The following AGBL1 variants were observed in gnomAD, a reference collection of about 807,000 sequenced individuals.
The protein encoded by AGBL1 is AGBL carboxypeptidase 1.
AGBL1 carries 130 observed loss-of-function variants against 118.9 expected under a neutral mutation model. The ratio of observed to expected loss-of-function variants is 1.09; its 90% CI spans 0.95 to 1.26. AGBL1 has a LOEUF of 1.26. Ranked by LOEUF, AGBL1 falls within the 50% of genes most tolerant of loss-of-function variation. AGBL1 has a pLI of 0.00. For missense variants in AGBL1, 1,584 were observed against 1,298.1 expected, an observed-to-expected ratio of 1.22 and a Z score of -3.38; for synonymous variants, 555 against 478.9, an observed-to-expected ratio of 1.16 and a Z score of -2.08.
chr15:86,182,398 T>G (rs539646050), intron 5 of AGBL1, among the ~76,000 whole-genome samples: 1 of 152,238 alleles, frequency 6.6e-6, no homozygotes, highest in Non-Finnish European at 1.5e-5. Flanking sequence ...ACATCCTATC[T>G]GCTGTTTACT....
At chr15:86,954,389 C>T (rs939761798) in intron 23 of AGBL1, among the ~76,000 whole-genome samples, 7 of 152,086 alleles carry the variant, frequency 4.6e-5, no homozygotes, top group African/African-American at 9.7e-5. Context: ...AGCAATGACA[C>T]GGAATCAACC....
chr15:86,565,983 G>T (rs369034178), intron 21 of AGBL1, among the ~76,000 whole-genome samples: 1 of 152,224 alleles, frequency 6.6e-6, no homozygotes, highest in African/African-American at 2.4e-5. Flanking sequence ...TTGGAAAAGC[G>T]CAGTATTAGT....
chr15:86,434,886 A>G (rs2081982184), intron 18 of AGBL1, among the ~76,000 whole-genome samples: 1 of 152,222 alleles, frequency 6.6e-6, no homozygotes, highest in Non-Finnish European at 1.5e-5. Context: ...GAAGAAATGA[A>G]CACAACATTC....
intron 18 of AGBL1, among the ~76,000 whole-genome samples, chr15:86,521,251 C>T (rs543471775): frequency 2.0e-5 from 3 of 152,316 alleles, no homozygotes; most frequent in African/African-American, 7.2e-5. Flanking sequence ...ACTGAACCTT[C>T]TTTTTACCTC....
In AGBL1 at chr15:86,081,363, G is replaced by GT. The variant is rs1167078424; in HGVS notation, c.51+1340_51+1341insT. 1.6e-4 allele frequency among the ~76,000 whole-genome samples: 24 copies of GT among 152,270 alleles called. No individual in the cohort carries two copies. In the East Asian group the frequency reaches 2.5e-3, roughly 16 times the overall value. On this transcript the variant is annotated intron_variant, in intron 1 of 22. Coordinates refer to ENST00000614907, the MANE Select transcript of AGBL1 (RefSeq NM_001386094.1). ...GCCATTTTTCTCTGATTCTTAAGAA[G>GT]ATTTGTATTCCTGAAAGTTTAAGAA...
At chr15:86,263,150 G>T (rs1374420622) in intron 10 of AGBL1, among the ~76,000 whole-genome samples, 1 of 152,222 alleles carries the variant, frequency 6.6e-6, no homozygotes, top group Non-Finnish European at 1.5e-5. Flanking sequence ...GTCATGTGCT[G>T]CATAATGACA....
intron 18 of AGBL1, among the ~76,000 whole-genome samples, chr15:86,508,410 T>G (rs916418356): frequency 6.6e-6 from 1 of 152,124 alleles, no homozygotes; most frequent in Non-Finnish European, 1.5e-5. Flanking sequence ...AGAAAAAGAT[T>G]GTGCTTTAGG....
At chr15:86,720,507 A>C (rs1228397107) in intron 22 of AGBL1, among the ~76,000 whole-genome samples, 2 of 152,212 alleles carry the variant, frequency 1.3e-5, no homozygotes, top group African/African-American at 4.8e-5. Context: ...GAAGGAATTT[A>C]CTTCGCTGCC....
intron 18 of AGBL1, among the ~76,000 whole-genome samples, chr15:86,518,217 T>C (rs935935403): frequency 6.6e-6 from 1 of 152,082 alleles, no homozygotes; most frequent in African/African-American, 2.4e-5. Flanking sequence ...CTTGTGGTCC[T>C]TTCTTGGCTT....
chr15:86,846,776 C>T (rs1260449875), intron 22 of AGBL1, among the ~76,000 whole-genome samples: 2 of 152,214 alleles, frequency 1.3e-5, no homozygotes, highest in East Asian at 1.9e-4. Context: ...AAGTGATCCA[C>T]CCGCCTCGGC....
intron 16 of AGBL1, among the ~76,000 whole-genome samples, chr15:86,281,067 GC>G (rs1264174637): frequency 6.6e-6 from 1 of 152,134 alleles, no homozygotes; most frequent in African/African-American, 2.4e-5. Flanking sequence ...TTATGGTCTT[GC>G]CTGTGAAACA....
chr15:86,506,931 T>C (rs1225979362), intron 18 of AGBL1, among the ~76,000 whole-genome samples: 2 of 152,126 alleles, frequency 1.3e-5, no homozygotes, highest in African/African-American at 4.8e-5. Flanking sequence ...TTGAGAATTA[T>C]TTTCTTTTAT....
In AGBL1 at chr15:86,128,881, C is replaced by T. The variant is rs534338884; in HGVS notation, c.52-13123C>T. 1.1e-4 allele frequency among the ~76,000 whole-genome samples: 16 copies of T among 152,258 alleles called. No individual in the cohort carries two copies. In the South Asian group the frequency reaches 1.2e-3, roughly 12 times the overall value. ...GGTGAGATATCTGTGAGAACAGAGA[C>T]CTTACTGACCTATTTACAACCGCAT... On this transcript the variant is annotated intron_variant, in intron 1 of 22. Coordinates refer to ENST00000614907, the MANE Select transcript of AGBL1 (RefSeq NM_001386094.1).
intron 23 of AGBL1, among the ~76,000 whole-genome samples, chr15:86,983,103 CTTA>C (rs1567271901): frequency 6.6e-6 from 1 of 151,888 alleles, no homozygotes; most frequent in Non-Finnish European, 1.5e-5. Context: ...TAATTGGTGT[CTTA>C]TTATGGTTCT....
At chr15:86,758,384 G>A (rs1223483884) in intron 22 of AGBL1, among the ~76,000 whole-genome samples, 1 of 152,070 alleles carries the variant, frequency 6.6e-6, no homozygotes, top group African/African-American at 2.4e-5. Context: ...AGCCCCTAGA[G>A]TAGTTTGGGC....
At chr15:86,163,653 A>G (rs1053341067) in intron 5 of AGBL1, among the ~76,000 whole-genome samples, 2 of 152,096 alleles carry the variant, frequency 1.3e-5, no homozygotes, top group African/African-American at 4.8e-5. Context: ...ACTCAAACCC[A>G]GGAGGTAGAG....
In AGBL1 at chr15:86,514,619, T is replaced by C. The variant is rs1453138562; in HGVS notation, c.2556-8191T>C. 3.3e-5 allele frequency among the ~76,000 whole-genome samples: 5 copies of C among 152,224 alleles called. No individual in the cohort carries two copies. In the East Asian group the frequency reaches 9.6e-4, roughly 29 times the overall value. ...GATATGAATATGTGAAATGTTAACT[T>C]GGTTCTAAAAGTTGAAATTAGACAA... is the stretch of plus-strand genomic sequence containing the variant. On this transcript the variant is annotated intron_variant, in intron 18 of 22. Transcript: ENST00000614907.
chr15:86,792,429 A>C (rs2078507675), intron 22 of AGBL1, among the ~76,000 whole-genome samples: 1 of 152,208 alleles, frequency 6.6e-6, no homozygotes, highest in East Asian at 1.9e-4. Context: ...AAAGATGTCA[A>C]GCAAGGAATG....
At chr15:86,579,141 T>G (rs1000446328) in intron 21 of AGBL1, among the ~76,000 whole-genome samples, 1 of 152,216 alleles carries the variant, frequency 6.6e-6, no homozygotes, top group African/African-American at 2.4e-5. Flanking sequence ...GTTCTTCAAT[T>G]ATACTGCTTT....
Sources: gnomAD v4.1 joint callset for allele counts (sites outside exome capture counted in the v4.1 genomes callset) on GRCh38, gnomAD v4.1.1 for gene constraint, MANE v1.5 for transcripts, NCBI Gene and HGNC (gene_info 2026-07-23, HGNC 2026-07-21) for gene names.